P2RY14: variants seen among roughly 807,000 people sequenced by gnomAD.
P2RY14 encodes the protein purinergic receptor P2Y14, also known as P2Y purinoceptor 14.
P2RY14 carries 2 observed loss-of-function variants against 0.9 expected under a neutral mutation model. That is an observed-to-expected ratio of 2.16 (90% CI 0.88 to 6.79). The LOEUF (loss-of-function observed/expected upper bound fraction) is 6.79. Ranked by LOEUF, P2RY14 falls within the 30% of genes most tolerant of loss-of-function variation. The pLI, the probability that P2RY14 is intolerant of heterozygous loss-of-function variation, is 0.05. For missense variants in P2RY14, 378 were observed against 400.1 expected, an observed-to-expected ratio of 0.94 and a Z score of 0.47; for synonymous variants, 158 against 147.2, an observed-to-expected ratio of 1.07 and a Z score of -0.53.
chr3:151,215,124 TC>T (rs1204745115), intron 2 of P2RY14, among the ~76,000 whole-genome samples: 1 of 151,994 alleles, frequency 6.6e-6, no homozygotes, highest in Non-Finnish European at 1.5e-5. Flanking sequence ...TTTTTTTTTT[TC>T]CCATTGAAAA....
At chr3:151,273,940 C>A (rs1326693082) in intron 1 of P2RY14, among the ~76,000 whole-genome samples, 1 of 152,140 alleles carries the variant, frequency 6.6e-6, no homozygotes, top group African/African-American at 2.4e-5. Flanking sequence ...AAGACAGAGT[C>A]TTTTCTTTTG....
rs1727322473 is a variant in P2RY14, at chr3:151,212,450, A to G, written c.*850T>C. On this transcript the variant is annotated 3_prime_UTR_variant, in exon 3 of 3. Transcript: ENST00000309170. ...ATGGTCTCCTTTCCCATTCGCCAGT[A>G]GATTAATATATGTTCTACGGTGTGG... is the stretch of plus-strand genomic sequence containing the variant. The G allele has an allele frequency of 6.6e-6, 1 of 152,216 alleles. No homozygotes were observed. The highest frequency in any genetic ancestry group is 1.5e-5 in the Non-Finnish European group (1 of 68,032). The allele number at this position is 152,216 out of a possible 1,614,324, so 9.4% of individuals were successfully genotyped here.
Position 151,213,456 on chromosome 3 carries a change from A to G in P2RY14, c.861T>C (p.Asn287=). ...AATAAATAATAGGGTCCAAGCATACATTTGCAGCAGATAGTAGCAGAGTGA... is the reference window on the plus strand; with the variant it reads ...AATAAATAATAGGGTCCAAGCATACGTTTGCAGCAGATAGTAGCAGAGTGA... ...KEFTLLLSAA[N]VCLDPIIYFF... is the part of the protein sequence containing the mutation. The change falls in exon 3 of 3, where the codon AAT becomes AAC. Residue 287 remains asparagine (N), a synonymous_variant. Transcript: ENST00000309170. 1 of 1,614,222 alleles carries G rather than the reference A, an allele frequency of 6.2e-7. No individual in the cohort carries two copies. The highest frequency in any genetic ancestry group is 2.2e-5 in the East Asian group (1 of 44,886).
In P2RY14 at chr3:151,212,900, A is replaced by G. The variant is rs1727409932; in HGVS notation, c.*400T>C. 1 of 153,346 alleles carries G rather than the reference A, an allele frequency of 6.5e-6. No individual in the cohort carries two copies. Among genetic ancestry groups the G allele is most frequent in the Non-Finnish European group, 1.4e-5 (1 of 69,174 alleles). 9.5% of individuals were successfully genotyped at this position (153,346 alleles called of 1,614,324 possible). On this transcript the variant is annotated 3_prime_UTR_variant, in exon 3 of 3. Coordinates refer to ENST00000309170, the MANE Select transcript of P2RY14 (RefSeq NM_014879.4). Reference sequence around the variant, plus strand: ...GTCTTTAAGGACAGTGTTGAAAACAATTACATACTAGATTCTGGTATTTAG... The same window carrying G: ...GTCTTTAAGGACAGTGTTGAAAACAGTTACATACTAGATTCTGGTATTTAG...
rs1212179024 is a variant in P2RY14, at chr3:151,212,707, T to C, written c.*593A>G. 6.6e-6 allele frequency: 1 copy of C among 152,114 alleles called. No homozygotes were observed. The highest frequency in any genetic ancestry group is 1.5e-5 in the Non-Finnish European group (1 of 68,016). 9.4% of individuals were successfully genotyped at this position (152,114 alleles called of 1,614,324 possible). ...AAAAATTTTCTTGCTAAGTATACAA[T>C]TAATATTCCTCTTCCTTTGCAGTGC... On this transcript the variant is annotated 3_prime_UTR_variant, in exon 3 of 3. Transcript: ENST00000309170.
chr3:151,221,268 A>G (rs1461223505), intron 1 of P2RY14, among the ~76,000 whole-genome samples: 15 of 152,380 alleles, frequency 9.8e-5, no homozygotes, highest in African/African-American at 3.1e-4. Flanking sequence ...AGAGCTTAAA[A>G]GTTCAGAAAA....
At chr3:151,238,137 TTTTTTC>T (rs113061339) in intron 1 of P2RY14, among the ~76,000 whole-genome samples, 58 of 149,610 alleles carry the variant, frequency 3.9e-4, no homozygotes, top group East Asian at 1.4e-3. Flanking sequence ...ACATTTTTTC[TTTTTTC>T]TTTTTCTTTT....
intron 1 of P2RY14, 131 bp downstream of exon 1, chr3:151,278,153 CCTA>C (rs1319979743): frequency 1.3e-5 from 2 of 152,102 alleles, no homozygotes; most frequent in African/African-American, 2.4e-5. Flanking sequence ...CAAAAAGTAA[CCTA>C]CTGAGAAAAA....
chr3:151,213,336 T>A lies in P2RY14; in HGVS notation c.981A>T (p.Arg327Ser). 1 of 1,612,438 alleles carries A rather than the reference T, an allele frequency of 6.2e-7. No individual in the cohort carries two copies. The highest frequency in any genetic ancestry group is 8.5e-7 in the Non-Finnish European group (1 of 1,179,482). ...CTGTGCTTTCAAGTGTTGTATTTCC[T>A]CTTTTGATTCTGGAAATGTCTAGGT... ...QNDLDISRIK[R>S]GNTTLESTDT... Residue 327 changes from arginine (R) to serine (S), a missense_variant, in exon 3 of 3, where the codon AGA (arginine) becomes AGT (serine). Transcript: ENST00000309170.
chr3:151,252,435 G>A (rs895307557), intron 1 of P2RY14, among the ~76,000 whole-genome samples: 2 of 152,082 alleles, frequency 1.3e-5, no homozygotes, highest in Non-Finnish European at 2.9e-5. Flanking sequence ...TTGTCTGCCA[G>A]TTGTTTCTCC....
chr3:151,218,862 G>A, intron 2 of P2RY14, among the ~76,000 whole-genome samples: 1 of 70,054 alleles, frequency 1.4e-5, no homozygotes, highest in South Asian at 6.6e-4. Context: ...GCAAGACTCA[G>A]TCTCAAAAAA....
intron 1 of P2RY14, among the ~76,000 whole-genome samples, chr3:151,227,964 A>G (rs1489253468): frequency 6.6e-6 from 1 of 152,028 alleles, no homozygotes; most frequent in Non-Finnish European, 1.5e-5. Flanking sequence ...CACATTTCTA[A>G]ATTTTCTTGA....
At position 151,214,312 on chromosome 3, in the gene P2RY14, A is replaced by C; in HGVS notation, c.5T>G (p.Ile2Ser). 1 of 1,612,048 alleles carries C rather than the reference A, an allele frequency of 6.2e-7. No individual in the cohort carries two copies. The highest frequency in any genetic ancestry group is 1.3e-5 in the African/African-American group (1 of 74,974). The change falls in exon 3 of 3, where the codon ATC becomes AGC. Residue 2 changes from isoleucine (I) to serine (S), a missense_variant. Ile to Ser is a moderately radical substitution (Grantham distance 142). Transcript: ENST00000309170. The stretch of plus-strand genomic sequence containing the variant: ...TGGAGGCTGTGTGGAGGTTGAATTG[A>C]TCATCTTGTAACTTCTGAAGGCAGA... M[I>S]NSTSTQPPDE...
chr3:151,219,919 A>G (rs780437926), intron 1 of P2RY14, among the ~76,000 whole-genome samples: 12 of 118,098 alleles, frequency 1.0e-4, no homozygotes, highest in Non-Finnish European at 1.6e-4. Context: ...GATATGGATG[A>G]TCGAATCAAT....
chr3:151,223,796 T>C (rs1368408566), intron 1 of P2RY14, among the ~76,000 whole-genome samples: 3 of 152,122 alleles, frequency 2.0e-5, no homozygotes, highest in African/African-American at 7.2e-5. Flanking sequence ...TGTCACACAA[T>C]ATACCCAAGT....
At chr3:151,215,327 T>C (rs1727988999) in intron 2 of P2RY14, among the ~76,000 whole-genome samples, 1 of 152,198 alleles carries the variant, frequency 6.6e-6, no homozygotes, top group South Asian at 2.1e-4. Flanking sequence ...CTGTTAAGTA[T>C]AAAATGCACA....
At chr3:151,221,728 G>C (rs1729403611) in intron 1 of P2RY14, among the ~76,000 whole-genome samples, 1 of 152,228 alleles carries the variant, frequency 6.6e-6, no homozygotes, top group Non-Finnish European at 1.5e-5. Context: ...TGGATGTCCA[G>C]GCAGAAGTTT....
rs1221076086 is a variant in P2RY14, at chr3:151,233,565, C to T, written c.-132-13923G>A. 3.3e-5 allele frequency among the ~76,000 whole-genome samples: 5 copies of T among 152,270 alleles called. No individual in the cohort carries two copies. In the South Asian group the frequency reaches 1.0e-3, roughly 32 times the overall value. ...CCTGACCAACATGGAGAAACCCTGT[C>T]TCTACTAAAAATACAAAATTAGCTG... On this transcript the variant is annotated intron_variant, in intron 1 of 2. Transcript: ENST00000309170.
chr3:151,220,267 T>C (rs940194254), intron 1 of P2RY14, among the ~76,000 whole-genome samples: 10 of 151,854 alleles, frequency 6.6e-5, no homozygotes, highest in African/African-American at 1.9e-4. Flanking sequence ...AGATAACACC[T>C]GAAAGCCATG....
Sources: gnomAD v4.1 joint callset for allele counts (sites outside exome capture counted in the v4.1 genomes callset) on GRCh38, gnomAD v4.1.1 for gene constraint, MANE v1.5 for transcripts, NCBI Gene and HGNC (gene_info 2026-07-23, HGNC 2026-07-21) for gene names.